The following STXBP5L variants were observed in gnomAD, a reference collection of about 807,000 sequenced individuals.
The protein encoded by STXBP5L is syntaxin-binding protein 5-like.
A neutral mutation model predicts 144.5 loss-of-function variants in STXBP5L; 65 were observed. The ratio of observed to expected loss-of-function variants is 0.45; its 90% CI spans 0.37 to 0.55. STXBP5L has a LOEUF of 0.55. Among genes scored for constraint, STXBP5L ranks in the 20% least tolerant of loss-of-function variants. The pLI is 0.00. For missense variants in STXBP5L, 1,298 were observed against 1,405.5 expected (o/e 0.92, Z 1.22); for synonymous variants, 505 against 469.6 (o/e 1.08, Z -0.97).
At chr3:121,205,545 A>C (rs924246268) in intron 9 of STXBP5L, among the ~76,000 whole-genome samples, 3 of 152,216 alleles carry the variant, frequency 2.0e-5, no homozygotes, top group Non-Finnish European at 4.4e-5. Context: ...AAACCATAGC[A>C]ATAGTAATAC....
intron 20 of STXBP5L, among the ~76,000 whole-genome samples, chr3:121,326,642 T>A (rs919907001): frequency 2.6e-5 from 4 of 152,090 alleles, no homozygotes; most frequent in Admixed American, 1.3e-4. Flanking sequence ...ATGGCATAGC[T>A]TTGGAGTCAA....
chr3:121,391,658 T>C (rs895849447), intron 22 of STXBP5L, among the ~76,000 whole-genome samples: 5 of 152,198 alleles, frequency 3.3e-5, no homozygotes, highest in Non-Finnish European at 5.9e-5. Flanking sequence ...TGCAGGTCTG[T>C]TGGAGTTTGC....
intron 3 of STXBP5L, among the ~76,000 whole-genome samples, chr3:121,031,325 G>C (rs1280616623): frequency 6.6e-6 from 1 of 152,026 alleles, no homozygotes; most frequent in Admixed American, 6.6e-5. Flanking sequence ...ATATGTATAT[G>C]TATATCCTAT....
intron 10 of STXBP5L, among the ~76,000 whole-genome samples, chr3:121,212,048 T>A (rs2048595082): frequency 6.6e-6 from 1 of 152,186 alleles, no homozygotes; most frequent in East Asian, 1.9e-4. Context: ...TTCGCCAACT[T>A]TTAGATGAGG....
rs533127643 is a variant in STXBP5L, at chr3:121,137,994, C to G, written c.670-14483C>G. On this transcript the variant is annotated intron_variant, in intron 7 of 26. Coordinates refer to ENST00000471454, the MANE Select transcript of STXBP5L (RefSeq NM_001308330.2). ...TTGATAGGAGGAAGTTAAATTGTCCCTTTTTGCTGATGACATGATTTTATA... is the reference window on the plus strand; with the variant it reads ...TTGATAGGAGGAAGTTAAATTGTCCGTTTTTGCTGATGACATGATTTTATA... 1.4e-4 allele frequency among the ~76,000 whole-genome samples: 22 copies of G among 152,126 alleles called. No homozygotes were observed. The South Asian group carries it at 4.6e-3, about 32-fold the overall frequency.
chr3:121,397,072 G>C (rs778299707), intron 22 of STXBP5L, among the ~76,000 whole-genome samples: 1 of 152,166 alleles, frequency 6.6e-6, no homozygotes. Flanking sequence ...TTTACTTTTC[G>C]ATCCAGAATA....
chr3:121,141,272 A>G (rs2045493132), intron 7 of STXBP5L, among the ~76,000 whole-genome samples: 1 of 151,990 alleles, frequency 6.6e-6, no homozygotes, highest in South Asian at 2.1e-4. Flanking sequence ...GGGTGGTTGC[A>G]CATGCCTGTA....
chr3:121,077,484 T>G (rs2042068936), intron 5 of STXBP5L, among the ~76,000 whole-genome samples: 1 of 152,172 alleles, frequency 6.6e-6, no homozygotes, highest in South Asian at 2.1e-4. Context: ...CGGTGAGTGT[T>G]ACAGCTCATA....
intron 19 of STXBP5L, among the ~76,000 whole-genome samples, chr3:121,300,992 C>T (rs904049217): frequency 1.3e-5 from 2 of 152,188 alleles, no homozygotes; most frequent in Admixed American, 1.3e-4. Flanking sequence ...ATGCCTCCAG[C>T]TTTGTTCTTT....
chr3:121,282,158 A>T, intron 19 of STXBP5L: 1 of 819,494 alleles, frequency 1.2e-6, no homozygotes, highest in Non-Finnish European at 1.9e-6. Flanking sequence ...CAATTTCTTC[A>T]TCTTGGCTGT....
chr3:120,990,639 C>T (rs1203120834), intron 3 of STXBP5L, among the ~76,000 whole-genome samples: 3 of 152,006 alleles, frequency 2.0e-5, no homozygotes, highest in Admixed American at 6.6e-5. Context: ...GAGATATAGA[C>T]CAATGGAACA....
At chr3:121,332,326 G>A (rs2044346036) in intron 20 of STXBP5L, among the ~76,000 whole-genome samples, 1 of 147,854 alleles carries the variant, frequency 6.8e-6, no homozygotes. Flanking sequence ...ACAAGAGAAA[G>A]GAGAAAACTA....
chr3:121,275,715 A>G (rs1428902638), intron 18 of STXBP5L, among the ~76,000 whole-genome samples: 4 of 152,140 alleles, frequency 2.6e-5, no homozygotes, highest in Non-Finnish European at 5.9e-5. Flanking sequence ...CTTTATTATA[A>G]GATGAATCCA....
intron 5 of STXBP5L, among the ~76,000 whole-genome samples, chr3:121,097,314 T>C (rs759897966): frequency 3.3e-5 from 5 of 151,080 alleles, no homozygotes; most frequent in Non-Finnish European, 4.4e-5. Flanking sequence ...TCCAGGGGAG[T>C]GAACGGTTCT....
chr3:121,029,711 C>T (rs1482952178), intron 3 of STXBP5L, among the ~76,000 whole-genome samples: 1 of 151,862 alleles, frequency 6.6e-6, no homozygotes, highest in Non-Finnish European at 1.5e-5. Context: ...AGATTCTGCA[C>T]AGCAAAAGAA....
intron 20 of STXBP5L, among the ~76,000 whole-genome samples, chr3:121,335,179 C>G (rs981252276): frequency 3.9e-5 from 6 of 151,978 alleles, no homozygotes; most frequent in African/African-American, 2.4e-5. Flanking sequence ...AAACCAACAG[C>G]CAAATCAAAA....
intron 5 of STXBP5L, among the ~76,000 whole-genome samples, chr3:121,080,154 T>A (rs753197909): frequency 6.6e-6 from 1 of 152,200 alleles, no homozygotes; most frequent in Non-Finnish European, 1.5e-5. Flanking sequence ...GTTCTGCTCA[T>A]TTTTGGTTTC....
chr3:121,235,972 G>A lies in STXBP5L; in HGVS notation c.1184+2284G>A, dbSNP rs1468631260. On this transcript the variant is annotated intron_variant, in intron 12 of 26. Coordinates refer to ENST00000471454, the MANE Select transcript of STXBP5L (RefSeq NM_001308330.2). ...ACCTCCTACCCTAAAAAAACACAGT[G>A]TGTCAGAAGTTATAGGATGACACAG... is the stretch of plus-strand genomic sequence containing the variant. Among the ~76,000 whole-genome samples, 4 of 152,096 alleles carry A rather than the reference G, an allele frequency of 2.6e-5. No homozygotes were observed. In the South Asian group the frequency reaches 6.2e-4, roughly 24 times the overall value.
chr3:120,951,855 C>T (rs1041307840), intron 2 of STXBP5L, among the ~76,000 whole-genome samples: 4 of 152,042 alleles, frequency 2.6e-5, no homozygotes, highest in Admixed American at 6.6e-5. Flanking sequence ...CACATGCACA[C>T]GTATGTTTAT....
Sources: allele counts gnomAD v4.1 joint callset (sites outside exome capture counted in the v4.1 genomes callset), GRCh38; gene constraint gnomAD v4.1.1; transcripts MANE v1.5; gene names NCBI Gene and HGNC (gene_info 2026-07-23, HGNC 2026-07-21).